APBB2: variants seen among roughly 807,000 people sequenced by gnomAD.
The protein encoded by APBB2 is amyloid beta precursor protein binding family B member 2, also known as Fe65-like 1.
A neutral mutation model predicts 82.5 loss-of-function variants in APBB2; 38 were observed. The observed-to-expected ratio is 0.46, with a 90% CI of 0.36 to 0.60. The LOEUF (loss-of-function observed/expected upper bound fraction) is 0.60, where lower values mean the gene tolerates loss of function less well. APBB2 is among the 20% of genes least tolerant of loss of function. The probability of loss-of-function intolerance (pLI) is 0.00; values close to 1 mark genes in which losing one functional copy is unlikely to be tolerated. For synonymous variants in APBB2, 341 were observed against 368.2 expected, an observed-to-expected ratio of 0.93 and a Z score of 0.85; for missense variants, 772 against 972.3, an observed-to-expected ratio of 0.79 and a Z score of 2.74.
chr4:40,910,781 G>A (rs1463521618), intron 10 of APBB2, among the ~76,000 whole-genome samples: 1 of 152,230 alleles, frequency 6.6e-6, no homozygotes, highest in Non-Finnish European at 1.5e-5. Flanking sequence ...TGGCAGTCCT[G>A]GACTACCACT....
intron 12 of APBB2, among the ~76,000 whole-genome samples, chr4:40,869,724 A>C (rs532795632): frequency 2.6e-5 from 4 of 152,330 alleles, no homozygotes; most frequent in African/African-American, 9.6e-5. Context: ...TCTAAGAATA[A>C]AAGACTTTGA....
chr4:40,899,020 G>C (rs534712831), intron 10 of APBB2, among the ~76,000 whole-genome samples: 2 of 152,284 alleles, frequency 1.3e-5, no homozygotes, highest in Admixed American at 6.5e-5. Flanking sequence ...GCTATAGACA[G>C]ATGGCTCCTT....
rs538691528 is a variant in APBB2 at position 40,815,948 on chromosome 4, C to G, written c.*144G>C. ...GATGGTGGCAAGACGAGAGAACATG[C>G]TTGTCTAACACTGCTTGGTTAAGGG... On this transcript the variant is annotated 3_prime_UTR_variant, in exon 18 of 18. Coordinates refer to ENST00000508593, the MANE Select transcript of APBB2 (RefSeq NM_004307.2). 3.3e-5 allele frequency: 29 copies of G among 888,420 alleles called. No homozygotes were observed. The South Asian group carries it at 4.7e-4, about 15-fold the overall frequency. 55.0% of individuals were successfully genotyped at this position (888,420 alleles called of 1,614,324 possible). A position where few individuals can be genotyped will look rare whatever the true frequency, so the allele number is the denominator to read the frequency against.
intron 7 of APBB2, among the ~76,000 whole-genome samples, chr4:40,938,003 A>G (rs928654502): frequency 1.3e-5 from 2 of 152,248 alleles, no homozygotes; most frequent in African/African-American, 4.8e-5. Context: ...GAGGAGAGAC[A>G]AAGAGAAAAA....
chr4:41,163,590 A>C (rs1765726896), intron 1 of APBB2, among the ~76,000 whole-genome samples: 1 of 152,222 alleles, frequency 6.6e-6, no homozygotes, highest in African/African-American at 2.4e-5. Flanking sequence ...CACCTTTCAG[A>C]TCATAAACAA....
chr4:40,949,814 A>AC (rs1261227105), intron 6 of APBB2, among the ~76,000 whole-genome samples: 1 of 152,034 alleles, frequency 6.6e-6, no homozygotes, highest in Non-Finnish European at 1.5e-5. Flanking sequence ...TCTGCCACGC[A>AC]CCCCCTTTTG....
intron 12 of APBB2, among the ~76,000 whole-genome samples, chr4:40,865,088 C>T (rs1231559311): frequency 1.3e-5 from 2 of 152,046 alleles, no homozygotes; most frequent in African/African-American, 4.8e-5. Context: ...GAACTCCTAA[C>T]CTCAAGTGAT....
Position 41,192,713 on chromosome 4 carries a change from C to T in APBB2, c.-417+21692G>A, listed in dbSNP as rs142752996. On this transcript the variant is annotated intron_variant, in intron 1 of 17. Coordinates refer to ENST00000508593, the MANE Select transcript of APBB2 (RefSeq NM_004307.2). ...AGGATGAACAAGACTAGGAATCTAA[C>T]GAACTGTACTATATTTGGGATTCCT... Among the ~76,000 whole-genome samples the T allele has an allele frequency of 3.7e-3, 565 of 152,172 alleles. 2 individuals carry two copies. Among genetic ancestry groups the T allele is most frequent in the African/African-American group, 0.013 (520 of 41,512 alleles).
intron 4 of APBB2, among the ~76,000 whole-genome samples, chr4:41,040,682 C>T (rs1314756402): frequency 6.6e-6 from 1 of 152,010 alleles, no homozygotes; most frequent in Non-Finnish European, 1.5e-5. Flanking sequence ...ACTCAAATAG[C>T]CTAAATTAAT....
chr4:41,080,416 A>C (rs994631221), intron 3 of APBB2, among the ~76,000 whole-genome samples: 10 of 152,276 alleles, frequency 6.6e-5, no homozygotes, highest in African/African-American at 2.2e-4. Flanking sequence ...ATGTGGATGC[A>C]GAGAAAGAAA....
chr4:40,944,617 C>T (rs746525137), intron 7 of APBB2, among the ~76,000 whole-genome samples: 5 of 152,292 alleles, frequency 3.3e-5, no homozygotes, highest in Non-Finnish European at 7.3e-5. Flanking sequence ...ATTAATCAGC[C>T]CCTCTTGCTT....
At chr4:41,032,778 C>CTTTTTTTTTTTTTTTTTTTTTTT (rs11421268) in intron 5 of APBB2, among the ~76,000 whole-genome samples, 1 of 84,320 alleles carries the variant, frequency 1.2e-5, no homozygotes, top group Non-Finnish European at 2.1e-5. Flanking sequence ...ATTTTTCTTT[C>CTTTTTTTTTTTTTTTTTTTTTTT]TTTTTTTTTT....
intron 7 of APBB2, among the ~76,000 whole-genome samples, chr4:40,942,380 T>C (rs1032460196): frequency 2.0e-5 from 3 of 152,134 alleles, no homozygotes; most frequent in African/African-American, 7.2e-5. Flanking sequence ...ATGGAACTGA[T>C]AGAAGGTGGA....
chr4:41,198,710 T>C, intron 1 of APBB2, among the ~76,000 whole-genome samples: 1 of 152,188 alleles, frequency 6.6e-6, no homozygotes, highest in Non-Finnish European at 1.5e-5. Flanking sequence ...AAATTTATTC[T>C]CTCTCGGTTC....
At chr4:40,851,734 A>ATT (rs1449264101) in intron 12 of APBB2, among the ~76,000 whole-genome samples, 12 of 61,032 alleles carry the variant, frequency 2.0e-4, no homozygotes, top group African/African-American at 8.5e-4. Context: ...ATATATATAT[A>ATT]TATATTTTTT....
chr4:40,868,515 C>T (rs1293612686), intron 12 of APBB2, among the ~76,000 whole-genome samples: 2 of 152,310 alleles, frequency 1.3e-5, no homozygotes, highest in African/African-American at 2.4e-5. Context: ...GAATCCATGA[C>T]ATGTGAAATG....
Position 41,160,003 on chromosome 4 carries a change from A to G in APBB2, c.-416-16861T>C, listed in dbSNP as rs552486725. Reference sequence around the variant, plus strand: ...GAAGAAGAAGAAGAAGAAGAAGAAGAAGAAGAAGAAGAAGAAGAAGAAGAA... The same window carrying G: ...GAAGAAGAAGAAGAAGAAGAAGAAGGAGAAGAAGAAGAAGAAGAAGAAGAA... On this transcript the variant is annotated intron_variant, in intron 1 of 17. Transcript: ENST00000508593. 3.1e-4 allele frequency among the ~76,000 whole-genome samples: 46 copies of G among 149,310 alleles called. 2 individuals carry two copies. Among genetic ancestry groups the G allele is most frequent in the African/African-American group, 1.1e-3 (43 of 39,594 alleles).
chr4:40,974,525 TTATTATAGTAAACAGAGAC>T (rs1796688048), intron 6 of APBB2, among the ~76,000 whole-genome samples: 1 of 152,136 alleles, frequency 6.6e-6, no homozygotes, highest in Non-Finnish European at 1.5e-5. Flanking sequence ...ATTTATAGTT[TTATTATAGTAAACAGAGAC>T]TAAAAGAACA....
At chr4:41,081,840 T>C (rs914348896) in intron 3 of APBB2, among the ~76,000 whole-genome samples, 7 of 152,252 alleles carry the variant, frequency 4.6e-5, no homozygotes, top group African/African-American at 9.6e-5. Context: ...TATCAACTGA[T>C]AGTCAATGAA....
Sources: gnomAD v4.1 joint callset for allele counts (sites outside exome capture counted in the v4.1 genomes callset) on GRCh38, gnomAD v4.1.1 for gene constraint, MANE v1.5 for transcripts, NCBI Gene and HGNC (gene_info 2026-07-23, HGNC 2026-07-21) for gene names.